APBB2: variants seen among roughly 807,000 people sequenced by gnomAD.
APBB2 encodes the protein Fe65-like 1.
In APBB2, 38 loss-of-function variants were observed where a neutral mutation model predicts 82.5. That is an observed-to-expected ratio of 0.46 (90% CI 0.36 to 0.60). The LOEUF is 0.60. Among genes scored for constraint, APBB2 ranks in the 20% least tolerant of loss-of-function variants. APBB2 has a pLI of 0.00. For synonymous variants in APBB2, 341 were observed against 368.2 expected (o/e 0.93, Z 0.85); for missense variants, 772 against 972.3 (o/e 0.79, Z 2.74).
intron 2 of APBB2, among the ~76,000 whole-genome samples, chr4:41,117,679 A>G (rs779469991): frequency 9.9e-5 from 15 of 152,146 alleles, no homozygotes; most frequent in Non-Finnish European, 1.8e-4. Flanking sequence ...GGTGGATGGT[A>G]GGGCCAGGGT....
intron 10 of APBB2, among the ~76,000 whole-genome samples, chr4:40,930,493 G>C (rs1283142888): frequency 3.3e-5 from 5 of 149,642 alleles, no homozygotes; most frequent in Non-Finnish European, 7.4e-5. Context: ...GCGTGTGTAT[G>C]TGTGTGGTGA....
intron 6 of APBB2, among the ~76,000 whole-genome samples, chr4:40,958,328 C>A (rs752169192): frequency 6.6e-6 from 1 of 152,086 alleles, no homozygotes. Flanking sequence ...ACATAGTATA[C>A]AACATAGCAC....
intron 1 of APBB2, among the ~76,000 whole-genome samples, chr4:41,186,193 A>G (rs1772845618): frequency 6.6e-6 from 1 of 152,258 alleles, no homozygotes; most frequent in Admixed American, 6.5e-5. Context: ...GTACAAATGC[A>G]ATAAGATAAC....
At chr4:41,206,794 C>G (rs1434790824) in intron 1 of APBB2, among the ~76,000 whole-genome samples, 2 of 152,112 alleles carry the variant, frequency 1.3e-5, no homozygotes, top group African/African-American at 4.8e-5. Context: ...AACAATACCA[C>G]CTAGCAAATT....
Position 40,982,436 on chromosome 4 carries a change from AGAAAGAAAGAAAGAAAGAATGAAT to A in APBB2, c.835+31123_835+31146del, listed in dbSNP as rs1560449981. On this transcript the variant is annotated intron_variant, in intron 6 of 17. Transcript: ENST00000508593. ...AAGAAAGAAAGAAAGAAAGAAAGAA[AGAAAGAAAGAAAGAAAGAATGAAT>A]GAATTTGAGACCAGAGACCAGCCTG... 3.0e-4 allele frequency among the ~76,000 whole-genome samples: 42 copies of A among 139,036 alleles called. 4 individuals are homozygous for A. In the East Asian group the frequency reaches 4.0e-3, roughly 13 times the overall value. The allele number at this position is 139,036 out of a possible 152,430, so 91.2% of individuals were successfully genotyped here. A position where few individuals can be genotyped will look rare whatever the true frequency, so the allele number is the denominator to read the frequency against.
intron 2 of APBB2, among the ~76,000 whole-genome samples, chr4:41,103,194 G>C (rs1484811313): frequency 2.0e-5 from 3 of 152,174 alleles, no homozygotes; most frequent in Non-Finnish European, 1.5e-5. Context: ...TTAAGGGTCA[G>C]CTTCAGTTAC....
At chr4:41,183,631 G>A (rs529067849) in intron 1 of APBB2, among the ~76,000 whole-genome samples, 2 of 152,142 alleles carry the variant, frequency 1.3e-5, no homozygotes, top group East Asian at 1.9e-4. Flanking sequence ...AAACCACCAA[G>A]AGCTAGGAGA....
intron 15 of APBB2, among the ~76,000 whole-genome samples, chr4:40,824,171 A>G (rs574926313): frequency 2.0e-5 from 3 of 152,308 alleles, no homozygotes; most frequent in Admixed American, 2.0e-4. Flanking sequence ...AAAAAAAGAA[A>G]AAGAAAAAAA....
At chr4:40,945,623 T>C (rs1202704255) in intron 6 of APBB2, among the ~76,000 whole-genome samples, 2 of 152,164 alleles carry the variant, frequency 1.3e-5, no homozygotes, top group Non-Finnish European at 2.9e-5. Flanking sequence ...CTAGAATTCT[T>C]TTTTTTCAAG....
intron 1 of APBB2, among the ~76,000 whole-genome samples, chr4:41,161,775 T>C (rs994241889): frequency 1.3e-5 from 2 of 152,186 alleles, no homozygotes; most frequent in African/African-American, 4.8e-5. Flanking sequence ...AGCTAGAATG[T>C]TGAGCCTCCC....
chr4:41,051,891 C>T lies in APBB2; in HGVS notation c.-51+13685G>A, dbSNP rs540743918. Reference sequence around the variant, plus strand: ...TGTCTCTTTAGGTAAGTCAGCTAACCTCCGTTTCCTCCACTGTAAAATGGA... The same window carrying T: ...TGTCTCTTTAGGTAAGTCAGCTAACTTCCGTTTCCTCCACTGTAAAATGGA... On this transcript the variant is annotated intron_variant, in intron 4 of 17. Transcript: ENST00000508593. Among the ~76,000 whole-genome samples the T allele has an allele frequency of 4.3e-4, 66 of 152,294 alleles. No homozygotes were observed. The Middle Eastern group carries it at 0.01, about 24-fold the overall frequency.
chr4:41,098,253 T>C (rs1360196791), intron 3 of APBB2, among the ~76,000 whole-genome samples: 1 of 152,134 alleles, frequency 6.6e-6, no homozygotes, highest in African/African-American at 2.4e-5. Context: ...GGTGTGATCA[T>C]AGCTCACTGC....
At chr4:41,194,556 G>A in intron 1 of APBB2, among the ~76,000 whole-genome samples, 51 of 152,256 alleles carry the variant, frequency 3.3e-4, no homozygotes, top group Admixed American at 3.0e-3. Flanking sequence ...GGTGGCAGGC[G>A]CCTGTAGTCC....
At chr4:41,063,808 A>G (rs1730671147) in intron 4 of APBB2, among the ~76,000 whole-genome samples, 1 of 152,000 alleles carries the variant, frequency 6.6e-6, no homozygotes, top group Non-Finnish European at 1.5e-5. Flanking sequence ...CCTCCCGAGT[A>G]GCTGGGACTA....
chr4:41,180,352 C>T (rs1475222521), intron 1 of APBB2, among the ~76,000 whole-genome samples: 3 of 152,172 alleles, frequency 2.0e-5, no homozygotes, highest in Non-Finnish European at 4.4e-5. Flanking sequence ...CGTCAGTAAT[C>T]CCAGCCCCAT....
chr4:41,158,206 A>T (rs1416963667), intron 1 of APBB2, among the ~76,000 whole-genome samples: 2 of 152,028 alleles, frequency 1.3e-5, no homozygotes, highest in Non-Finnish European at 2.9e-5. Context: ...ATACCAACTA[A>T]CTCACAGGGC....
At chr4:40,962,438 T>C (rs573803865) in intron 6 of APBB2, among the ~76,000 whole-genome samples, 1 of 152,214 alleles carries the variant, frequency 6.6e-6, no homozygotes, top group African/African-American at 2.4e-5. Flanking sequence ...AATTGTGAAT[T>C]CTCGGTTGCA....
In APBB2 at chr4:40,829,820, CCA is replaced by C. The variant is rs373878065; in HGVS notation, c.1644+641_1644+642del. Among the ~76,000 whole-genome samples, 53 of 152,266 alleles carry C rather than the reference CCA, an allele frequency of 3.5e-4. No homozygotes were observed. The East Asian group carries it at 7.5e-3, about 22-fold the overall frequency. On this transcript the variant is annotated intron_variant, in intron 13 of 17. Transcript: ENST00000508593. ...TTAAGGAAGTCTCACTAGCATGAGACCACAGTCTTGCCTCCCAGCTGGACAGG... is the reference window on the plus strand; with the variant it reads ...TTAAGGAAGTCTCACTAGCATGAGACCAGTCTTGCCTCCCAGCTGGACAGG...
chr4:41,033,144 C>T (rs1158439605), intron 5 of APBB2, 92 bp downstream of exon 5: 1 of 853,008 alleles, frequency 1.2e-6, no homozygotes, highest in East Asian at 2.7e-5. Context: ...GTTATTTTAG[C>T]AAATCATAAG....
Sources: gnomAD v4.1 joint callset for allele counts (sites outside exome capture counted in the v4.1 genomes callset) on GRCh38, gnomAD v4.1.1 for gene constraint, MANE v1.5 for transcripts, NCBI Gene and HGNC (gene_info 2026-07-23, HGNC 2026-07-21) for gene names.